The following RFFL variants were observed in gnomAD, a reference collection of about 807,000 sequenced individuals.
The protein encoded by RFFL is ring finger and FYVE like domain containing E3 ubiquitin protein ligase.
Under a neutral mutation model 40.4 loss-of-function variants are expected in RFFL, and 16 were observed. That is an observed-to-expected ratio of 0.40 (90% CI 0.27 to 0.60). RFFL has a LOEUF of 0.60. RFFL is among the 20% of genes least tolerant of loss of function. The probability of loss-of-function intolerance (pLI) is 0.47; values close to 1 mark genes in which losing one functional copy is unlikely to be tolerated. For synonymous variants in RFFL, 154 were observed against 167.9 expected (o/e 0.92, Z 0.64); for missense variants, 367 against 451.7 (o/e 0.81, Z 1.70).
At chr17:35,062,931 G>C (rs1262389934) in intron 1 of RFFL, among the ~76,000 whole-genome samples, 2 of 152,142 alleles carry the variant, frequency 1.3e-5, no homozygotes, top group Non-Finnish European at 2.9e-5. Context: ...TGATAAGACA[G>C]TGTTCTCCAC....
At chr17:35,045,406 G>A (rs1350590355) in intron 1 of RFFL, among the ~76,000 whole-genome samples, 2 of 151,502 alleles carry the variant, frequency 1.3e-5, no homozygotes, top group Admixed American at 6.6e-5. Flanking sequence ...CTAATTTTTT[G>A]TATTTTTAGT....
chr17:35,081,195 T>C (rs2091401835), intron 1 of RFFL, among the ~76,000 whole-genome samples: 1 of 152,118 alleles, frequency 6.6e-6, no homozygotes, highest in Admixed American at 6.6e-5. Flanking sequence ...CTGTGTAGGT[T>C]ATAACTCCAT....
rs2091306274 is a variant in RFFL, at chr17:35,063,578, G to A, written c.-11C>T. 6.7e-6 allele frequency: 1 copy of A among 149,866 alleles called. No homozygotes were observed. Among genetic ancestry groups the A allele is most frequent in the African/African-American group, 2.5e-5 (1 of 40,696 alleles). The allele number at this position is 149,866 out of a possible 1,614,324, so 9.3% of individuals were successfully genotyped here. A position where few individuals can be genotyped will look rare whatever the true frequency, so the allele number is the denominator to read the frequency against. On this transcript the variant is annotated splice_region_variant and 5_prime_UTR_variant, in exon 1 of 7. Transcript: ENST00000394597. ...TTAAGAAAACAGTTTGAGGTTACCTGATTTTGCCAGTTTCAAAACATTGCC... is the reference window on the plus strand; with the variant it reads ...TTAAGAAAACAGTTTGAGGTTACCTAATTTTGCCAGTTTCAAAACATTGCC...
chr17:35,021,335 G>A, intron 3 of RFFL, 36 bp downstream of exon 3: 2 of 1,506,876 alleles, frequency 1.3e-6, no homozygotes, highest in Non-Finnish European at 8.9e-7. Flanking sequence ...CCCTCAAACT[G>A]GCACAGACTG....
At chr17:35,086,928 CAT>C (rs1274448922) in intron 1 of RFFL, among the ~76,000 whole-genome samples, 1 of 152,178 alleles carries the variant, frequency 6.6e-6, no homozygotes, top group African/African-American at 2.4e-5. Flanking sequence ...GCATGACGCT[CAT>C]AGAGATGGGT....
intron 1 of RFFL, among the ~76,000 whole-genome samples, chr17:35,069,082 C>A (rs1160188559): frequency 6.6e-6 from 1 of 152,138 alleles, no homozygotes; most frequent in African/African-American, 2.4e-5. Flanking sequence ...GCCGCAGTAA[C>A]CATACTCTCA....
chr17:35,088,481 T>C (rs771737927), intron 1 of RFFL, among the ~76,000 whole-genome samples: 2 of 152,184 alleles, frequency 1.3e-5, no homozygotes, highest in Non-Finnish European at 2.9e-5. Flanking sequence ...TCTGGTCAAC[T>C]GTCTCCTGGG....
Position 35,014,854 on chromosome 17 carries a change from AC to A in RFFL, c.887-92del, listed in dbSNP as rs200624657. 441 of 1,288,232 alleles carry A rather than the reference AC, an allele frequency of 3.4e-4. 2 individuals are homozygous for A. In the African/African-American group the frequency reaches 5.6e-3, roughly 16 times the overall value. The allele number at this position is 1,288,232 out of a possible 1,614,324, so 79.8% of individuals were successfully genotyped here. A position where few individuals can be genotyped will look rare whatever the true frequency, so the allele number is the denominator to read the frequency against. The stretch of plus-strand genomic sequence containing the variant: ...GCCCTGACATCATTTCTGAACTCTT[AC>A]CACTCCCTGCTGGGAACCAGGCTTG... On this transcript the variant is annotated intron_variant, in intron 5 of 6. Transcript: ENST00000394597.
chr17:35,010,946 ACTT>A lies in RFFL; in HGVS notation c.*1019_*1021del, dbSNP rs2090934111. ...CTGTCTTAACATTTGCTCTCCAGGA[ACTT>A]CAACAGCAGTCTGGCCAGAGAAGAG... is the stretch of plus-strand genomic sequence containing the variant. On this transcript the variant is annotated 3_prime_UTR_variant, in exon 7 of 7. Transcript: ENST00000394597. 1 of 152,238 alleles carries A rather than the reference ACTT, an allele frequency of 6.6e-6. No individual in the cohort carries two copies. The allele number at this position is 152,238 out of a possible 1,614,324, so 9.4% of individuals were successfully genotyped here.
intron 1 of RFFL, among the ~76,000 whole-genome samples, chr17:35,070,226 G>A (rs529171544): frequency 6.6e-6 from 1 of 152,190 alleles, no homozygotes; most frequent in African/African-American, 2.4e-5. Context: ...GCTGGAGTGC[G>A]GTGGTGTGAT....
chr17:35,052,941 C>T (rs1452663273), intron 1 of RFFL, among the ~76,000 whole-genome samples: 3 of 152,190 alleles, frequency 2.0e-5, no homozygotes, highest in Non-Finnish European at 2.9e-5. Flanking sequence ...GGAAGAATGA[C>T]ATTCCAAGCC....
chr17:35,034,265 G>T (rs923697182), intron 1 of RFFL, among the ~76,000 whole-genome samples: 3 of 152,030 alleles, frequency 2.0e-5, no homozygotes, highest in Non-Finnish European at 2.9e-5. Flanking sequence ...AGTCCAGGAG[G>T]ATGTAGTGAG....
intron 1 of RFFL, among the ~76,000 whole-genome samples, chr17:35,084,476 C>G (rs1481190280): frequency 3.9e-5 from 6 of 152,014 alleles, no homozygotes. Context: ...CATCTGTGGT[C>G]CCAGCTACTT....
intron 1 of RFFL, among the ~76,000 whole-genome samples, chr17:35,047,635 C>T (rs1242994939): frequency 2.0e-5 from 3 of 152,154 alleles, no homozygotes; most frequent in Non-Finnish European, 4.4e-5. Context: ...GTTGCCCAGA[C>T]TGGAGTGCAG....
upstream of RFFL, among the ~76,000 whole-genome samples, chr17:35,064,884 G>C (rs1480143964): frequency 6.6e-6 from 1 of 152,198 alleles, no homozygotes; most frequent in Non-Finnish European, 1.5e-5. Context: ...GTTTTAAAAA[G>C]TTATTTATCC....
intron 1 of RFFL, among the ~76,000 whole-genome samples, chr17:35,055,466 A>G (rs2091254971): frequency 6.6e-6 from 1 of 152,042 alleles, no homozygotes; most frequent in South Asian, 2.1e-4. Context: ...TGAGGTCAGG[A>G]GTTTGAGACC....
At chr17:35,025,374 A>G (rs764013936) in intron 2 of RFFL, 2 of 152,210 alleles carry the variant, frequency 1.3e-5, no homozygotes, top group Non-Finnish European at 2.9e-5. Flanking sequence ...GTATTTTAAT[A>G]TCTCTCATGC....
At chr17:35,045,320 C>T (rs756008115) in intron 1 of RFFL, among the ~76,000 whole-genome samples, 1 of 151,928 alleles carries the variant, frequency 6.6e-6, no homozygotes, top group African/African-American at 2.4e-5. Flanking sequence ...GCAACCTCCA[C>T]CTCCCAGGTT....
chr17:35,033,046 T>TTA (rs1253112357), intron 1 of RFFL, among the ~76,000 whole-genome samples: 1 of 152,060 alleles, frequency 6.6e-6, no homozygotes, highest in African/African-American at 2.4e-5. Flanking sequence ...GGATAAATTA[T>TTA]TATTTCAAGA....
Sources: allele counts gnomAD v4.1 joint callset (sites outside exome capture counted in the v4.1 genomes callset), GRCh38; gene constraint gnomAD v4.1.1; transcripts MANE v1.5; gene names NCBI Gene and HGNC (gene_info 2026-07-23, HGNC 2026-07-21).